MTMR10: variants seen among roughly 807,000 people sequenced by gnomAD.
The protein encoded by MTMR10 is myotubularin related protein 10.
In MTMR10, 56 loss-of-function variants were observed where a neutral mutation model predicts 88.1. That is an observed-to-expected ratio of 0.64 (90% CI 0.51 to 0.79). The LOEUF (loss-of-function observed/expected upper bound fraction) is 0.79. MTMR10 is among the 30% of genes least tolerant of loss of function. The pLI is 0.00. For synonymous variants in MTMR10, 380 were observed against 340.9 expected, an observed-to-expected ratio of 1.11 and a Z score of -1.26; for missense variants, 883 against 924.7, an observed-to-expected ratio of 0.95 and a Z score of 0.58.
Position 30,939,134 on chromosome 15 carries a change from T to C in MTMR10, c.*2336A>G, listed in dbSNP as rs1015879534. The C allele has an allele frequency of 1.5e-5, 15 of 985,424 alleles. No homozygotes were observed. Among genetic ancestry groups the C allele is most frequent in the Non-Finnish European group, 1.7e-5 (14 of 829,888 alleles). 61.0% of individuals were successfully genotyped at this position (985,424 alleles called of 1,614,324 possible). Reference sequence around the variant, plus strand: ...TACTACTGCAGCAAGCAGATTTTGTTGACAAATGTGAACAGCTTTCACCCT... The same window carrying C: ...TACTACTGCAGCAAGCAGATTTTGTCGACAAATGTGAACAGCTTTCACCCT... On this transcript the variant is annotated 3_prime_UTR_variant, in exon 16 of 16. Transcript: ENST00000435680.
At chr15:30,945,178 G>A (rs2063152312) in intron 14 of MTMR10, among the ~76,000 whole-genome samples, 1 of 152,102 alleles carries the variant, frequency 6.6e-6, no homozygotes, top group Non-Finnish European at 1.5e-5. Context: ...TGTGGAAGGG[G>A]CTGAGAACGG....
the MTMR10 span, among the ~76,000 whole-genome samples, chr15:30,919,564 G>A: frequency 1.3e-5 from 2 of 150,966 alleles, no homozygotes; most frequent in Admixed American, 1.3e-4. Context: ...TGTGACGAGT[G>A]TCTGTAATCC....
chr15:30,931,742 G>T, the MTMR10 span, among the ~76,000 whole-genome samples: 1 of 152,048 alleles, frequency 6.6e-6, no homozygotes, highest in Non-Finnish European at 1.5e-5. Flanking sequence ...ATATATGTGG[G>T]TCTGTTTCTA....
rs2063073415 is a variant in MTMR10 at position 30,942,053 on chromosome 15, A to G, written c.1751T>C (p.Leu584Pro). The G allele has an allele frequency of 1.2e-6, 2 of 1,613,582 alleles. No homozygotes were observed. The highest frequency in any genetic ancestry group is 1.7e-6 in the Non-Finnish European group (2 of 1,179,670). The change falls in exon 16 of 16, where the codon CTA (leucine) becomes CCA (proline). Residue 584 changes from leucine (L) to proline (P), a missense_variant. Physicochemically the swap from Leu to Pro is moderately conservative, Grantham distance 98. Around this residue, in one of 3 missense-constraint regions of MTMR10, gnomAD observed 343 missense variants for 323.2 expected, o/e 1.06. Coordinates refer to ENST00000435680, the MANE Select transcript of MTMR10 (RefSeq NM_017762.3). ...CTTTAAGGCAGACGGCATTCCTCTT[A>G]GTGTGGAGCTGTAGCTTTTCTATAC... ...KRTKKSYSSTLRGMPSALKNG... is the reference protein window; with the variant it reads ...KRTKKSYSSTPRGMPSALKNG...
intron 9 of MTMR10, chr15:30,956,335 G>C (rs1484733894): frequency 6.6e-6 from 1 of 152,168 alleles, no homozygotes; most frequent in Non-Finnish European, 1.5e-5. Flanking sequence ...TTTTACTACT[G>C]GTGTTGCCCA....
chr15:30,950,818 T>G (rs2063234047), intron 12 of MTMR10, among the ~76,000 whole-genome samples: 1 of 152,232 alleles, frequency 6.6e-6, no homozygotes, highest in Non-Finnish European at 1.5e-5. Context: ...GCTTAAGTCC[T>G]GGATATAAAA....
At chr15:30,962,665 A>AC (rs1426080336) in intron 6 of MTMR10, among the ~76,000 whole-genome samples, 1 of 152,218 alleles carries the variant, frequency 6.6e-6, no homozygotes, top group Non-Finnish European at 1.5e-5. Flanking sequence ...GGTATAAGAC[A>AC]GGTATTTTCT....
At chr15:30,927,615 T>A in the MTMR10 span, 2 of 985,350 alleles carry the variant, frequency 2.0e-6, no homozygotes, top group African/African-American at 3.5e-5. Context: ...CCTGTAAATG[T>A]CAGGTGGGAC....
In MTMR10 at chr15:30,958,889, C is replaced by T. The variant is rs773097493; in HGVS notation, c.909G>A (p.Val303=). Residue 303 remains valine, a synonymous_variant, in exon 9 of 16, where the codon GTG becomes GTA. Transcript: ENST00000435680. The stretch of plus-strand genomic sequence containing the variant: ...TCTGGTCAATCTTCCTCTGCTGCAG[C>T]ACGTCTTTGATGAGGGCCATTCGCA... The part of the protein sequence containing the change: ...ALVRMALIKD[V]LQQRKIDQRI... 1.9e-6 allele frequency: 3 copies of T among 1,613,906 alleles called. No homozygotes were observed. In the East Asian group the frequency reaches 6.7e-5, roughly 36 times the overall value.
At chr15:30,922,199 G>C in the MTMR10 span, 21 of 1,591,384 alleles carry the variant, frequency 1.3e-5, no homozygotes, top group Admixed American at 1.9e-5. Context: ...GATTTTTTGT[G>C]AATCTAATGA....
the MTMR10 span, among the ~76,000 whole-genome samples, chr15:30,930,076 CT>C: frequency 3.7e-4 from 55 of 147,342 alleles, no homozygotes; most frequent in Non-Finnish European, 1.9e-4. Flanking sequence ...CCCTATCCCC[CT>C]GGCCCCAATG....
intron 2 of MTMR10, among the ~76,000 whole-genome samples, chr15:30,990,211 G>T (rs539467424): frequency 2.4e-4 from 37 of 152,232 alleles, no homozygotes; most frequent in African/African-American, 8.7e-4. Flanking sequence ...GGGGGATAAG[G>T]GTACTACTAC....
At chr15:30,922,310 C>T in the MTMR10 span, 188 of 1,613,814 alleles carry the variant, frequency 1.2e-4, no homozygotes, top group Non-Finnish European at 1.4e-4. Flanking sequence ...ATGGTGGGAT[C>T]GACTGGCCCT....
chr15:30,947,294 A>T lies in MTMR10; in HGVS notation c.1384T>A (p.Leu462Ile). The T allele has an allele frequency of 6.2e-7, 1 of 1,613,130 alleles. No individual in the cohort carries two copies. The highest frequency in any genetic ancestry group is 8.5e-7 in the Non-Finnish European group (1 of 1,179,640). Residue 462 changes from leucine to isoleucine, a missense_variant, in exon 14 of 16, where the codon TTA (leucine) becomes ATA (isoleucine). Physicochemically the swap from Leu to Ile is conservative, Grantham distance 5. Transcript: ENST00000435680. ...GTGGCATCCAAGAATAGCAAAAATA[A>T]AGGAGACTGGCAAATACAAAGAGAC... ...HLKRSEKESP[L>I]FLLFLDATWQ...
intron 9 of MTMR10, among the ~76,000 whole-genome samples, chr15:30,958,225 G>A (rs2063353509): frequency 6.6e-6 from 1 of 152,214 alleles, no homozygotes; most frequent in Non-Finnish European, 1.5e-5. Context: ...TGAGGAAGCG[G>A]CCTTAGAATC....
chr15:30,953,697 A>G, intron 10 of MTMR10, 66 bp from the exon 11 acceptor site: 1 of 1,019,774 alleles, frequency 9.8e-7, no homozygotes, highest in Non-Finnish European at 1.4e-6. Flanking sequence ...CAGAGTAAAG[A>G]GATACATCAG....
Position 30,990,799 on chromosome 15 carries a change from T to C in MTMR10, c.99A>G (p.Lys33=). The C allele has an allele frequency of 6.2e-7, 1 of 1,609,684 alleles. No individual in the cohort carries two copies. Among genetic ancestry groups the C allele is most frequent in the Non-Finnish European group, 8.5e-7 (1 of 1,177,882 alleles). ...DKINSEPKIK[K]LEPVLLPGEI... is the part of the protein sequence containing the mutation. ...TACCTGGCAAAAGGACTGGCTCCAG[T>C]TTTTTAATCTTCGGTTCCGAATTGA... Residue 33 remains lysine, a synonymous_variant, in exon 2 of 16, where the codon AAA becomes AAG. Coordinates refer to ENST00000435680, the MANE Select transcript of MTMR10 (RefSeq NM_017762.3).
Position 30,948,305 on chromosome 15 carries a change from T to C in MTMR10, c.1374A>G (p.Lys458=), listed in dbSNP as rs371530608. The C allele has an allele frequency of 1.9e-6, 3 of 1,608,902 alleles. No homozygotes were observed. Among genetic ancestry groups the C allele is most frequent in the Non-Finnish European group, 1.7e-6 (2 of 1,178,364 alleles). Residue 458 remains lysine (K), a synonymous_variant, in exon 13 of 16, where the codon AAA becomes AAG. Transcript: ENST00000435680. ...AAAGGCATCAAGATTTTGTTACCTC[T>C]TTCTCTGATCTCTTTAGATGGTTGC... ...DRCNHLKRSE[K]ESPLFLLFLD...
chr15:30,954,980 G>A, intron 9 of MTMR10, 87 bp from the exon 10 acceptor site: 1 of 1,192,616 alleles, frequency 8.4e-7, no homozygotes, highest in Non-Finnish European at 1.1e-6. Context: ...GGGATAGAGA[G>A]AGGAATGAGA....
Sources: allele counts gnomAD v4.1 joint callset (sites outside exome capture counted in the v4.1 genomes callset), GRCh38; gene constraint gnomAD v4.1.1; regional missense constraint gnomAD v4.1.1; transcripts MANE v1.5; gene names NCBI Gene and HGNC (gene_info 2026-07-23, HGNC 2026-07-21).